NOSTRIN: variants seen among roughly 807,000 people sequenced by gnomAD.
NOSTRIN encodes nitric oxide synthase trafficking, also known as BM247 homolog.
Under a neutral mutation model 59.0 loss-of-function variants are expected in NOSTRIN, and 63 were observed. That is an observed-to-expected ratio of 1.07 (90% CI 0.87 to 1.32). NOSTRIN has a LOEUF of 1.32. Among genes scored for constraint, NOSTRIN ranks in the 40% most tolerant of loss-of-function variants. NOSTRIN has a pLI of 0.00. For synonymous variants in NOSTRIN, 200 were observed against 165.4 expected, an observed-to-expected ratio of 1.21 and a Z score of -1.61; for missense variants, 512 against 473.1, an observed-to-expected ratio of 1.08 and a Z score of -0.76.
At chr2:168,786,663 C>T (rs958901599) in intron 1 of NOSTRIN, 4 of 152,136 alleles carry the variant, frequency 2.6e-5, no homozygotes, top group African/African-American at 9.7e-5. Flanking sequence ...AACCCTAAGG[C>T]AAAGGTCAAG....
intron 2 of NOSTRIN, among the ~76,000 whole-genome samples, chr2:168,814,912 A>G (rs549537993): frequency 1.6e-4 from 24 of 152,358 alleles, no homozygotes; most frequent in African/African-American, 5.8e-4. Context: ...TTTCATAAAC[A>G]AATTTTTTTA....
chr2:168,843,755 A>T (rs1275427656), intron 8 of NOSTRIN, among the ~76,000 whole-genome samples: 2 of 152,264 alleles, frequency 1.3e-5, no homozygotes, highest in East Asian at 3.8e-4. Context: ...AACAAGAATT[A>T]TTGTACCCCT....
intron 8 of NOSTRIN, among the ~76,000 whole-genome samples, chr2:168,847,506 A>C (rs1369572732): frequency 6.6e-6 from 1 of 152,214 alleles, no homozygotes; most frequent in Non-Finnish European, 1.5e-5. Context: ...TTCTTTTATC[A>C]GTTCTATGAG....
chr2:168,845,631 C>T (rs1688368719), intron 8 of NOSTRIN, among the ~76,000 whole-genome samples: 1 of 152,192 alleles, frequency 6.6e-6, no homozygotes, highest in African/African-American at 2.4e-5. Context: ...ACTCCCCCTT[C>T]TCAGCATTCC....
chr2:168,812,510 A>G (rs953964103), intron 2 of NOSTRIN, among the ~76,000 whole-genome samples: 1 of 152,184 alleles, frequency 6.6e-6, no homozygotes, highest in African/African-American at 2.4e-5. Flanking sequence ...AAACAAGCAG[A>G]AACTTATTAA....
In NOSTRIN at chr2:168,859,507, C is replaced by T. The variant is rs1344107119; in HGVS notation, c.1054-5C>T. The T allele has an allele frequency of 1.9e-6, 3 of 1,613,808 alleles. No homozygotes were observed. The highest frequency in any genetic ancestry group is 2.5e-6 in the Non-Finnish European group (3 of 1,179,862). On this transcript the variant is annotated splice_region_variant and splice_polypyrimidine_tract_variant and intron_variant, in intron 12 of 15. Coordinates refer to ENST00000317647, the MANE Select transcript of NOSTRIN (RefSeq NM_001039724.4). ...TGCTCACATGGCCAAATGATGTATC[C>T]ACAGAACAATTTGAAACTAGACCTT...
chr2:168,822,072 A>T (rs963999563), intron 2 of NOSTRIN, among the ~76,000 whole-genome samples: 13 of 152,206 alleles, frequency 8.5e-5, no homozygotes, highest in Non-Finnish European at 1.6e-4. Flanking sequence ...ATCAAGGGTG[A>T]TGGTCTCTCC....
chr2:168,860,681 A>AG (rs1689383821), intron 13 of NOSTRIN, 114 bp from the exon 14 acceptor site: 4 of 697,434 alleles, frequency 5.7e-6, no homozygotes, highest in East Asian at 5.4e-5. Flanking sequence ...AAAAAAAAAA[A>AG]GAAAAAACAA....
chr2:168,793,138 C>T (rs1456628490), intron 2 of NOSTRIN, among the ~76,000 whole-genome samples: 1 of 152,134 alleles, frequency 6.6e-6, no homozygotes, highest in Non-Finnish European at 1.5e-5. Flanking sequence ...TAATCCAGTC[C>T]ATCACCCAGT....
At chr2:168,840,111 G>A (rs1015211135) in intron 7 of NOSTRIN, among the ~76,000 whole-genome samples, 2 of 151,748 alleles carry the variant, frequency 1.3e-5, no homozygotes, top group African/African-American at 2.4e-5. Context: ...ATAAGAATCC[G>A]AGGACAATGA....
intron 15 of NOSTRIN, among the ~76,000 whole-genome samples, chr2:168,864,537 G>A (rs980189167): frequency 1.3e-4 from 20 of 152,136 alleles, no homozygotes; most frequent in Admixed American, 1.1e-3. Context: ...CACCCACCTT[G>A]GCCTCCCAAA....
chr2:168,816,745 G>A (rs1398080382), intron 2 of NOSTRIN, among the ~76,000 whole-genome samples: 1 of 152,116 alleles, frequency 6.6e-6, no homozygotes, highest in African/African-American at 2.4e-5. Flanking sequence ...CTGTTCACTT[G>A]CCTGTCTCTT....
At position 168,817,703 on chromosome 2, in the gene NOSTRIN, G is replaced by A. The variant is rs146159964; in HGVS notation, c.113+6051G>A. On this transcript the variant is annotated intron_variant, in intron 2 of 15. Coordinates refer to ENST00000317647, the MANE Select transcript of NOSTRIN (RefSeq NM_001039724.4). ...CGTTTTCCCTGGGCCAGAGTGAGCC[G>A]GGGCTCAGTGAGACTCCCAAACTAG... Among the ~76,000 whole-genome samples the A allele has an allele frequency of 3.9e-5, 6 of 152,236 alleles. No individual in the cohort carries two copies. The East Asian group carries it at 5.8e-4, about 15-fold the overall frequency.
intron 11 of NOSTRIN, chr2:168,856,439 G>A: frequency 2.2e-6 from 1 of 448,908 alleles, no homozygotes. Context: ...GCCGGACATG[G>A]TGGCATACAC....
At chr2:168,825,486 C>T (rs1231775117) in intron 3 of NOSTRIN, among the ~76,000 whole-genome samples, 1 of 152,172 alleles carries the variant, frequency 6.6e-6, no homozygotes, top group Non-Finnish European at 1.5e-5. Flanking sequence ...GTAACCTGGC[C>T]TCTGTGTGCC....
chr2:168,858,787 G>A (rs1574339182), intron 12 of NOSTRIN, among the ~76,000 whole-genome samples: 1 of 152,210 alleles, frequency 6.6e-6, no homozygotes, highest in South Asian at 2.1e-4. Context: ...CATGCTGGAG[G>A]TGTGGGGGAG....
intron 2 of NOSTRIN, among the ~76,000 whole-genome samples, chr2:168,820,267 C>G (rs777544043): frequency 6.6e-6 from 1 of 151,712 alleles, no homozygotes; most frequent in Non-Finnish European, 1.5e-5. Context: ...TGACCCAACT[C>G]TCTGTGCCTT....
intron 7 of NOSTRIN, among the ~76,000 whole-genome samples, chr2:168,839,903 AT>A (rs1469842323): frequency 1.1e-4 from 9 of 81,974 alleles, no homozygotes; most frequent in Non-Finnish European, 2.0e-4. Flanking sequence ...AAAAAAAAAT[AT>A]ATATATATAT....
At chr2:168,799,327 T>A (rs1427497969), upstream of NOSTRIN, among the ~76,000 whole-genome samples, 1 of 152,206 alleles carries the variant, frequency 6.6e-6, no homozygotes, top group Admixed American at 6.5e-5. Flanking sequence ...CAAATGAGGT[T>A]GTTAATATTA....
Sources: allele counts gnomAD v4.1 joint callset (sites outside exome capture counted in the v4.1 genomes callset), GRCh38; gene constraint gnomAD v4.1.1; transcripts MANE v1.5; gene names NCBI Gene and HGNC (gene_info 2026-07-23, HGNC 2026-07-21).